The following CRNKL1 variants were observed in gnomAD, a reference collection of about 807,000 sequenced individuals.
CRNKL1 encodes the protein crooked neck-like protein 1.
In CRNKL1, 35 loss-of-function variants were observed where a neutral mutation model predicts 103.7. The observed-to-expected ratio is 0.34, with a 90% CI of 0.26 to 0.45. The LOEUF (loss-of-function observed/expected upper bound fraction) is 0.45. Among genes scored for constraint, CRNKL1 ranks in the 20% least tolerant of loss-of-function variants. The probability of loss-of-function intolerance (pLI) is 1.00; values close to 1 mark genes in which losing one functional copy is unlikely to be tolerated. For missense variants in CRNKL1, 645 were observed against 836.0 expected (o/e 0.77, Z 2.82); for synonymous variants, 267 against 282.6 (o/e 0.94, Z 0.55).
At chr20:20,041,659 G>A in intron 8 of CRNKL1, 34 bp from the exon 9 acceptor site, 1 of 1,494,214 alleles carries the variant, frequency 6.7e-7, no homozygotes, top group Middle Eastern at 1.7e-4. Flanking sequence ...ACAAAATATT[G>A]AAGTCTGCTG....
upstream of CRNKL1, among the ~76,000 whole-genome samples, chr20:20,055,182 CTT>C (rs1414585133): frequency 1.3e-5 from 2 of 152,002 alleles, no homozygotes; most frequent in Non-Finnish European, 2.9e-5. Flanking sequence ...CTTCTCATGA[CTT>C]TTGTTTCTCT....
chr20:20,043,433 A>G (rs1365573036), intron 7 of CRNKL1, 59 bp downstream of exon 7: 33 of 1,487,742 alleles, frequency 2.2e-5, no homozygotes, highest in Non-Finnish European at 2.9e-5. Flanking sequence ...TAGTGTTGCT[A>G]GTATTGATGA....
At chr20:20,048,088 A>T (rs1568763383) in intron 4 of CRNKL1, among the ~76,000 whole-genome samples, 157 bp from the exon 5 acceptor site, 1 of 151,938 alleles carries the variant, frequency 6.6e-6, no homozygotes, top group African/African-American at 2.4e-5. Flanking sequence ...GGAAAAAAAG[A>T]TTTTTTTTTC....
At chr20:20,052,758 G>A (rs1555824831), upstream of CRNKL1, 5 of 1,554,922 alleles carry the variant, frequency 3.2e-6, no homozygotes, top group Non-Finnish European at 4.4e-6. Context: ...CAATCTGGAT[G>A]CTCGAGGGCG....
chr20:20,055,978 C>T (rs201513392), upstream of CRNKL1: 18 of 1,610,598 alleles, frequency 1.1e-5, no homozygotes, highest in East Asian at 6.7e-5. Context: ...CCCAAAGTGT[C>T]CTTCTGGAAC....
intron 10 of CRNKL1, among the ~76,000 whole-genome samples, chr20:20,040,281 CAGCTTGGGG>C (rs1188822086): frequency 1.4e-5 from 2 of 146,908 alleles, no homozygotes; most frequent in Non-Finnish European, 3.0e-5. Context: ...TACTGCATTC[CAGCTTGGGG>C]AACAGAGCGA....
In CRNKL1 at chr20:20,048,608, G is replaced by A. The variant is rs973782235; in HGVS notation, c.297-107C>T. ...TGATGTTTTATTAGGTGTCTACCAT[G>A]AGCCAAGTTCTGGGCATAAAAAAAT... On this transcript the variant is annotated intron_variant, in intron 3 of 13. Transcript: ENST00000536226. 9.7e-6 allele frequency: 11 copies of A among 1,132,454 alleles called. No homozygotes were observed. In the African/African-American group the frequency reaches 1.1e-4, roughly 11 times the overall value. The allele number at this position is 1,132,454 out of a possible 1,614,324, so 70.2% of individuals were successfully genotyped here.
At chr20:20,051,282 G>A (rs1050019446) in intron 1 of CRNKL1, among the ~76,000 whole-genome samples, 1 of 152,168 alleles carries the variant, frequency 6.6e-6, no homozygotes, top group Non-Finnish European at 1.5e-5. Flanking sequence ...TTTTTATACC[G>A]ATTACATGTT....
chr20:20,050,414 AACTG>A (rs1423622532), intron 2 of CRNKL1, 52 bp downstream of exon 2: 2 of 1,518,158 alleles, frequency 1.3e-6, no homozygotes, highest in Non-Finnish European at 1.8e-6. Flanking sequence ...GAGCTTTTCA[AACTG>A]ACCGATACAG....
chr20:20,055,560 G>C (rs1178963349), upstream of CRNKL1, among the ~76,000 whole-genome samples: 3 of 152,142 alleles, frequency 2.0e-5, no homozygotes, highest in Admixed American at 2.0e-4. Flanking sequence ...CACCTGGTTG[G>C]AGAATTTCCC....
In CRNKL1 at chr20:20,043,541, T is replaced by C. The variant is rs547638192; in HGVS notation, c.923A>G (p.Glu308Gly). The C allele has an allele frequency of 6.2e-7, 1 of 1,614,108 alleles. No individual in the cohort carries two copies. Among genetic ancestry groups the C allele is most frequent in the African/African-American group, 1.3e-5 (1 of 75,028 alleles). ...TCTCCGTTTGCTCACAATGATATCT[T>C]CAATACCCCGCCTATCACCAAACTT... ...EKKFGDRRGI[E>G]DIIVSKRRFQ... Residue 308 changes from glutamate (E) to glycine (G), a missense_variant, in exon 7 of 14, where the codon GAA becomes GGA. Glu to Gly is a moderately conservative substitution (Grantham distance 98). This residue lies in a region of CRNKL1 where 582 missense variants were observed against 707.7 expected (regional missense o/e 0.82). Transcript: ENST00000536226.
At chr20:20,042,150 C>T (rs1246438003) in intron 8 of CRNKL1, among the ~76,000 whole-genome samples, 175 bp downstream of exon 8, 1 of 152,174 alleles carries the variant, frequency 6.6e-6, no homozygotes, top group African/African-American at 2.4e-5. Context: ...ACAACAAGCA[C>T]AGAGGGTTTA....
chr20:20,048,824 T>C (rs1265634447), intron 3 of CRNKL1, among the ~76,000 whole-genome samples: 5 of 152,150 alleles, frequency 3.3e-5, no homozygotes, highest in African/African-American at 9.7e-5. Flanking sequence ...CGTTCCGATT[T>C]ACCAGGAAAC....
Position 20,047,846 on chromosome 20 carries a change from C to T in CRNKL1, c.541G>A (p.Glu181Lys). The change falls in exon 5 of 14, where the codon GAG becomes AAG. Residue 181 changes from glutamate to lysine, a missense_variant. Glu to Lys is a moderately conservative substitution (Grantham distance 56). This residue lies in a region of CRNKL1 where 582 missense variants were observed against 707.7 expected (regional missense o/e 0.82). Coordinates refer to ENST00000536226, the MANE Select transcript of CRNKL1 (RefSeq NM_001278628.2). The part of the protein sequence containing the change: ...VFERWMEWQP[E>K]EQAWHSYINF... ...ATGTAGGAGTGCCAGGCTTGCTCCT[C>T]AGGCTGCCACTCCATCCAGCGCTCA... The T allele has an allele frequency of 6.2e-7, 1 of 1,614,238 alleles. No homozygotes were observed. Among genetic ancestry groups the T allele is most frequent in the Non-Finnish European group, 8.5e-7 (1 of 1,180,034 alleles).
intron 2 of CRNKL1, 42 bp from the exon 3 acceptor site, chr20:20,049,473 T>G (rs370425029): frequency 1.1e-5 from 11 of 1,004,294 alleles, no homozygotes; most frequent in Non-Finnish European, 1.7e-5. Flanking sequence ...GACAAATGAC[T>G]AAAAATGACA....
intron 3 of CRNKL1, 88 bp from the exon 4 acceptor site, chr20:20,048,589 T>C (rs1231260032): frequency 1.5e-6 from 2 of 1,363,898 alleles, no homozygotes; most frequent in African/African-American, 2.9e-5. Flanking sequence ...GCACTGATGT[T>C]TTATTAGGTG....
At chr20:20,043,809 T>C in intron 6 of CRNKL1, 147 bp from the exon 7 acceptor site, 1 of 717,544 alleles carries the variant, frequency 1.4e-6, no homozygotes, top group Non-Finnish European at 2.2e-6. Flanking sequence ...TCCCTCTTGT[T>C]GAAGGTTATC....
intron 5 of CRNKL1, 105 bp from the exon 6 acceptor site, chr20:20,045,591 A>C: frequency 9.9e-7 from 1 of 1,010,012 alleles, no homozygotes; most frequent in Non-Finnish European, 1.5e-6. Context: ...CCAAAAATTC[A>C]AACTACAACT....
intron 3 of CRNKL1, among the ~76,000 whole-genome samples, chr20:20,048,962 G>C (rs1321363998): frequency 4.6e-5 from 7 of 152,034 alleles, no homozygotes; most frequent in Non-Finnish European, 1.5e-5. Context: ...TATGCGGGGA[G>C]AATGCAGAAA....
Sources: allele counts gnomAD v4.1 joint callset (sites outside exome capture counted in the v4.1 genomes callset), GRCh38; gene constraint gnomAD v4.1.1; regional missense constraint gnomAD v4.1.1; transcripts MANE v1.5; gene names NCBI Gene and HGNC (gene_info 2026-07-23, HGNC 2026-07-21).